The following ATXN1 variants were observed in gnomAD, a reference collection of about 807,000 sequenced individuals.
ATXN1 encodes ataxin 1.
Under a neutral mutation model 56.4 loss-of-function variants are expected in ATXN1, and 8 were observed. The ratio of observed to expected loss-of-function variants is 0.14; its 90% CI spans 0.08 to 0.26. The LOEUF is 0.26. Ranked by LOEUF, ATXN1 falls within the 10% of genes least tolerant of loss-of-function variation. The pLI, the probability that ATXN1 is intolerant of heterozygous loss-of-function variation, is 1.00. For missense variants in ATXN1, 987 were observed against 1,106.5 expected (o/e 0.89, Z 1.53); for synonymous variants, 514 against 494.6 (o/e 1.04, Z -0.52).
At chr6:16,429,383 A>AAG (rs1467071433) in intron 6 of ATXN1, among the ~76,000 whole-genome samples, 5 of 150,308 alleles carry the variant, frequency 3.3e-5, no homozygotes, top group Non-Finnish European at 7.4e-5. Flanking sequence ...GCATTAAAAA[A>AAG]AAAAACAACC....
At chr6:16,324,718 T>C (rs1760760863) in intron 7 of ATXN1, among the ~76,000 whole-genome samples, 1 of 152,138 alleles carries the variant, frequency 6.6e-6, no homozygotes, top group African/African-American at 2.4e-5. Context: ...AAATGGGCTG[T>C]GGAATAAATG....
In ATXN1 at chr6:16,407,918, A is replaced by G. The variant is rs190920081; in HGVS notation, c.-161+78054T>C. Among the ~76,000 whole-genome samples, 527 of 152,366 alleles carry G rather than the reference A, an allele frequency of 3.5e-3. 4 individuals are homozygous for G. Among genetic ancestry groups the G allele is most frequent in the Non-Finnish European group, 3.9e-3 (268 of 68,030 alleles). On this transcript the variant is annotated intron_variant, in intron 6 of 7. Transcript: ENST00000436367. ...GCCAGGGATAATGGTGCCATGTGGT[A>G]TCTGAAGTCCAGTAATTCTTCAACC...
intron 3 of ATXN1, among the ~76,000 whole-genome samples, chr6:16,590,081 C>A (rs1255728452): frequency 6.6e-6 from 1 of 152,010 alleles, no homozygotes; most frequent in Non-Finnish European, 1.5e-5. Context: ...TAAGCTATTT[C>A]TTTTGCTAAA....
chr6:16,727,943 G>A (rs566893142), intron 2 of ATXN1, among the ~76,000 whole-genome samples: 127 of 152,232 alleles, frequency 8.3e-4, no homozygotes, highest in Non-Finnish European at 1.6e-3. Flanking sequence ...TCATTCATTC[G>A]GGCCATACTT....
chr6:16,467,423 C>T (rs1760130180), intron 6 of ATXN1, among the ~76,000 whole-genome samples: 1 of 152,204 alleles, frequency 6.6e-6, no homozygotes, highest in Non-Finnish European at 1.5e-5. Flanking sequence ...TCACCAGTGT[C>T]AGGTTTTACT....
intron 5 of ATXN1, among the ~76,000 whole-genome samples, chr6:16,515,027 G>GTACA (rs1003230268): frequency 5.9e-5 from 9 of 151,664 alleles, no homozygotes; most frequent in African/African-American, 1.9e-4. Context: ...TATCCATAAA[G>GTACA]TACAACACAG....
intron 3 of ATXN1, among the ~76,000 whole-genome samples, chr6:16,622,817 G>A (rs1465182029): frequency 1.3e-5 from 2 of 151,888 alleles, no homozygotes; most frequent in African/African-American, 4.8e-5. Flanking sequence ...TGTACTCTCA[G>A]AACAGAGAAA....
At chr6:16,376,548 T>C (rs943172957) in intron 6 of ATXN1, among the ~76,000 whole-genome samples, 2 of 152,168 alleles carry the variant, frequency 1.3e-5, no homozygotes, top group African/African-American at 2.4e-5. Flanking sequence ...CCTGTGGAGG[T>C]GGGAAAATGG....
intron 6 of ATXN1, among the ~76,000 whole-genome samples, chr6:16,368,727 T>C (rs1248403765): frequency 6.6e-6 from 1 of 152,238 alleles, no homozygotes; most frequent in African/African-American, 2.4e-5. Flanking sequence ...GGAATAGTAA[T>C]GAACAGACTT....
chr6:16,706,295 G>T (rs1759403834), intron 2 of ATXN1, among the ~76,000 whole-genome samples: 1 of 152,146 alleles, frequency 6.6e-6, no homozygotes. Context: ...AGAGGTCAAA[G>T]ACCACATCCT....
intron 6 of ATXN1, among the ~76,000 whole-genome samples, chr6:16,411,496 T>C (rs1309180136): frequency 2.6e-5 from 4 of 152,146 alleles, no homozygotes; most frequent in Non-Finnish European, 5.9e-5. Context: ...TCTGATTATA[T>C]TAATAGCAAC....
chr6:16,612,080 C>T (rs1581884416), intron 3 of ATXN1, among the ~76,000 whole-genome samples: 1 of 151,760 alleles, frequency 6.6e-6, no homozygotes, highest in Admixed American at 6.6e-5. Flanking sequence ...AGGACGGTCT[C>T]GATCTCCTGA....
intron 3 of ATXN1, among the ~76,000 whole-genome samples, chr6:16,621,301 C>T (rs6459477): frequency 0.98 from 150,046 of 152,380 alleles, 73,886 homozygotes; most frequent in East Asian, 1. Flanking sequence ...GCACTAAACA[C>T]GGCAAGGGCG....
At chr6:16,733,348 G>A (rs611512) in intron 2 of ATXN1, among the ~76,000 whole-genome samples, 5 of 152,014 alleles carry the variant, frequency 3.3e-5, no homozygotes, top group South Asian at 4.1e-4. Flanking sequence ...ATGGCTTGAG[G>A]CCAAGAGTTC....
At chr6:16,626,022 C>G (rs778406493) in intron 3 of ATXN1, among the ~76,000 whole-genome samples, 2 of 152,182 alleles carry the variant, frequency 1.3e-5, no homozygotes, top group Non-Finnish European at 2.9e-5. Context: ...ACAGTCCTCA[C>G]AAGACCCTTT....
chr6:16,731,454 C>CTTTTTTTTTTTTTTTTT (rs71559655), intron 2 of ATXN1, among the ~76,000 whole-genome samples: 3 of 81,788 alleles, frequency 3.7e-5, no homozygotes, highest in African/African-American at 7.7e-5. Flanking sequence ...TTTTTCTTTT[C>CTTTTTTTTTTTTTTTTT]TTTTTTTTTT....
intron 6 of ATXN1, among the ~76,000 whole-genome samples, chr6:16,450,300 T>C (rs1423345585): frequency 2.4e-5 from 3 of 127,396 alleles, no homozygotes; most frequent in Non-Finnish European, 5.2e-5. Context: ...TACTTAATCT[T>C]CCTCTTCTTT....
intron 2 of ATXN1, among the ~76,000 whole-genome samples, chr6:16,720,898 C>A (rs1368532815): frequency 6.6e-6 from 1 of 152,166 alleles, no homozygotes; most frequent in African/African-American, 2.4e-5. Context: ...GCTGTTCAGG[C>A]CAGATACTGT....
chr6:16,754,487 T>C (rs1178102480), intron 1 of ATXN1, among the ~76,000 whole-genome samples: 1 of 152,218 alleles, frequency 6.6e-6, no homozygotes, highest in East Asian at 1.9e-4. Context: ...CCAATTATCC[T>C]TGGGTACATG....
Sources: gnomAD v4.1 joint callset for allele counts (sites outside exome capture counted in the v4.1 genomes callset) on GRCh38, gnomAD v4.1.1 for gene constraint, MANE v1.5 for transcripts, NCBI Gene and HGNC (gene_info 2026-07-23, HGNC 2026-07-21) for gene names.